Variants in ZBTB7C observed in about 807,000 individuals in gnomAD.
ZBTB7C encodes zinc finger and BTB domain-containing protein 7C.
ZBTB7C carries 8 observed loss-of-function variants against 25.7 expected under a neutral mutation model. The observed-to-expected ratio is 0.31, with a 90% confidence interval of 0.18 to 0.56. The LOEUF is 0.56. Ranked by LOEUF, ZBTB7C falls within the 20% of genes least tolerant of loss-of-function variation. The pLI is 0.91. For synonymous variants in ZBTB7C, 394 were observed against 369.0 expected (o/e 1.07, Z -0.78); for missense variants, 824 against 855.2 (o/e 0.96, Z 0.46).
chr18:48,167,597 T>TGTGCGCGC (rs779870966), intron 3 of ZBTB7C, among the ~76,000 whole-genome samples: 1 of 148,044 alleles, frequency 6.8e-6, no homozygotes, highest in African/African-American at 2.5e-5. Context: ...TGTGTGTGTG[T>TGTGCGCGC]GCGCGCGTGC....
chr18:48,367,347 CAT>C (rs58569472), intron 1 of ZBTB7C, among the ~76,000 whole-genome samples: 2,742 of 44,754 alleles, frequency 0.061, 47 homozygotes, highest in Middle Eastern at 0.13. Flanking sequence ...TATATGTGTG[CAT>C]ATATATATAT....
At position 48,314,998 on chromosome 18, in the gene ZBTB7C, GGGCATGGTGACCATGGGCAT is replaced by G. The variant is rs2045914607; in HGVS notation, c.-79+23156_-79+23175del. Among the ~76,000 whole-genome samples, 12 of 152,306 alleles carry G rather than the reference GGGCATGGTGACCATGGGCAT, an allele frequency of 7.9e-5. No individual in the cohort carries two copies. In the South Asian group the frequency reaches 2.5e-3, roughly 32 times the overall value. On this transcript the variant is annotated intron_variant, in intron 2 of 4. Coordinates refer to ENST00000590800, the MANE Select transcript of ZBTB7C (RefSeq NM_001318841.2). ...TCGGATGAAAGGAGCCCTCTGCAGA[GGGCATGGTGACCATGGGCAT>G]GGCAGCTTCTGTCCTCTGTTCGGGC... is the stretch of plus-strand genomic sequence containing the variant.
chr18:48,047,556 C>T (rs1469360277), intron 3 of ZBTB7C, among the ~76,000 whole-genome samples: 1 of 152,126 alleles, frequency 6.6e-6, no homozygotes, highest in East Asian at 1.9e-4. Context: ...TTAGATGTGG[C>T]CACTATTCCA....
Position 48,042,634 on chromosome 18 carries a change from G to A in ZBTB7C, c.-16-1511C>T, listed in dbSNP as rs59960839. On this transcript the variant is annotated intron_variant, in intron 3 of 4. Transcript: ENST00000590800. Reference sequence around the variant, plus strand: ...CATGGAGGATGCTGGGTGCCCCTCCGCTGCCCTCACCTTCTCCTCCACCAT... The same window carrying A: ...CATGGAGGATGCTGGGTGCCCCTCCACTGCCCTCACCTTCTCCTCCACCAT... 2.6e-5 allele frequency among the ~76,000 whole-genome samples: 4 copies of A among 151,978 alleles called. 1 individual carries two copies. Among genetic ancestry groups the A allele is most frequent in the African/African-American group, 7.3e-5 (3 of 41,336 alleles).
intron 1 of ZBTB7C, among the ~76,000 whole-genome samples, chr18:48,369,280 A>T (rs570157134): frequency 2.4e-4 from 37 of 152,158 alleles, no homozygotes; most frequent in Non-Finnish European, 4.4e-4. Flanking sequence ...TCTACTAAAA[A>T]ATTATACAAA....
chr18:48,201,536 C>T (rs549624746), intron 2 of ZBTB7C, among the ~76,000 whole-genome samples: 4 of 152,094 alleles, frequency 2.6e-5, no homozygotes, highest in South Asian at 4.2e-4. Context: ...CGATTTTCCA[C>T]ACATCTTCTT....
chr18:48,283,863 G>A (rs886697841), intron 2 of ZBTB7C, among the ~76,000 whole-genome samples: 2 of 152,106 alleles, frequency 1.3e-5, no homozygotes, highest in East Asian at 1.9e-4. Flanking sequence ...AGAAGAAAAG[G>A]GGGCCAGGCA....
intron 3 of ZBTB7C, among the ~76,000 whole-genome samples, chr18:48,065,453 C>T (rs554436217): frequency 3.3e-5 from 5 of 152,132 alleles, no homozygotes; most frequent in South Asian, 2.1e-4. Flanking sequence ...CTTTGCCTAA[C>T]GCCTTTTAAT....
chr18:48,400,561 T>A (rs1214073398), intron 1 of ZBTB7C, among the ~76,000 whole-genome samples: 1 of 152,136 alleles, frequency 6.6e-6, no homozygotes, highest in African/African-American at 2.4e-5. Context: ...CCCCTTCCAA[T>A]GCAGAGTCCC....
chr18:48,223,635 A>G (rs1285010399), intron 2 of ZBTB7C, among the ~76,000 whole-genome samples: 2 of 152,214 alleles, frequency 1.3e-5, no homozygotes, highest in East Asian at 1.9e-4. Flanking sequence ...TACTTCTTCA[A>G]TGGGTTGGCC....
At chr18:48,350,554 G>A (rs1234929998) in intron 1 of ZBTB7C, 1 of 152,178 alleles carries the variant, frequency 6.6e-6, no homozygotes, top group African/African-American at 2.4e-5. Flanking sequence ...CAGGTTCTGG[G>A]GATTTGAGTG....
At chr18:48,101,642 C>T (rs1031979154) in intron 3 of ZBTB7C, among the ~76,000 whole-genome samples, 1 of 152,144 alleles carries the variant, frequency 6.6e-6, no homozygotes, top group African/African-American at 2.4e-5. Context: ...TCACAGCATC[C>T]CCATCAAGTA....
intron 1 of ZBTB7C, among the ~76,000 whole-genome samples, chr18:48,401,568 T>G (rs2048159550): frequency 6.6e-6 from 1 of 152,158 alleles, no homozygotes; most frequent in Non-Finnish European, 1.5e-5. Context: ...AGAGCCTCAG[T>G]TTCCCCATCT....
chr18:48,352,947 C>T (rs1420166400), intron 1 of ZBTB7C, among the ~76,000 whole-genome samples: 1 of 152,176 alleles, frequency 6.6e-6, no homozygotes, highest in African/African-American at 2.4e-5. Flanking sequence ...CCTTAGATAT[C>T]TGAATATGAG....
Position 48,166,931 on chromosome 18 carries a change from A to ACAGCCCC in ZBTB7C, c.-17+18996_-17+19002dup, listed in dbSNP as rs552087754. The stretch of plus-strand genomic sequence containing the variant: ...AGCTCTTGAGGCTGTTTCCCCACTC[A>ACAGCCCC]CAGCCCCCAGCCCCAGGAAGAGGCC... On this transcript the variant is annotated intron_variant, in intron 3 of 4. Transcript: ENST00000590800. 3.0e-3 allele frequency among the ~76,000 whole-genome samples: 449 copies of ACAGCCCC among 152,112 alleles called. 2 individuals are homozygous for ACAGCCCC. The highest frequency in any genetic ancestry group is 5.0e-3 in the Non-Finnish European group (342 of 67,968).
At chr18:48,382,609 T>C (rs1368712745) in intron 1 of ZBTB7C, among the ~76,000 whole-genome samples, 3 of 152,246 alleles carry the variant, frequency 2.0e-5, no homozygotes, top group African/African-American at 7.2e-5. Context: ...CAACTCTGTA[T>C]TATTCAAGCC....
chr18:48,208,573 A>G (rs548360002), intron 2 of ZBTB7C, among the ~76,000 whole-genome samples: 21 of 152,226 alleles, frequency 1.4e-4, no homozygotes, highest in Admixed American at 5.9e-4. Context: ...GTTGCTTTAC[A>G]TATCGTTTAA....
In ZBTB7C at chr18:48,332,707, C is replaced by T. The variant is rs543470386; in HGVS notation, c.-79+5467G>A. 3.2e-5 allele frequency among the ~76,000 whole-genome samples: 4 copies of T among 126,820 alleles called. No homozygotes were observed. The East Asian group carries it at 1.0e-3, about 32-fold the overall frequency. The allele number at this position is 126,820 out of a possible 152,430, so 83.2% of individuals were successfully genotyped here. A position where few individuals can be genotyped will look rare whatever the true frequency, so the allele number is the denominator to read the frequency against. ...TTTTTTTTTTTTTTTTTAAGAAAAG[C>T]CATTTTCCAATTACCAGGCAAGCCA... is the stretch of plus-strand genomic sequence containing the variant. On this transcript the variant is annotated intron_variant, in intron 2 of 4. Transcript: ENST00000590800.
chr18:48,395,262 AGAATGTGTGTGTGTGTG>A, intron 1 of ZBTB7C, among the ~76,000 whole-genome samples: 2 of 144,052 alleles, frequency 1.4e-5, no homozygotes, highest in African/African-American at 2.6e-5. Flanking sequence ...AGAGAGAGAG[AGAATGTGTGTGTGTGTG>A]TGTGTGTGTG....
Sources: allele counts gnomAD v4.1 joint callset (sites outside exome capture counted in the v4.1 genomes callset), GRCh38; gene constraint gnomAD v4.1.1; transcripts MANE v1.5; gene names NCBI Gene and HGNC (gene_info 2026-07-23, HGNC 2026-07-21).